PALM2AKAP2: variants seen among roughly 807,000 people sequenced by gnomAD.
PALM2AKAP2 encodes the protein PALM2 and AKAP2 fusion.
PALM2AKAP2 carries 37 observed loss-of-function variants against 71.5 expected under a neutral mutation model. The ratio of observed to expected loss-of-function variants is 0.52; its 90% CI spans 0.40 to 0.68. PALM2AKAP2 has a LOEUF of 0.68. Among genes scored for constraint, PALM2AKAP2 ranks in the 30% least tolerant of loss-of-function variants. PALM2AKAP2 has a pLI of 0.00. For missense variants in PALM2AKAP2, 1,224 were observed against 1,191.8 expected, an observed-to-expected ratio of 1.03 and a Z score of -0.40; for synonymous variants, 468 against 478.8, an observed-to-expected ratio of 0.98 and a Z score of 0.29.
chr9:109,829,235 C>T (rs2131529098), intron 1 of PALM2AKAP2, among the ~76,000 whole-genome samples: 1 of 152,350 alleles, frequency 6.6e-6, no homozygotes, highest in Non-Finnish European at 1.5e-5. Context: ...CAGCGAAACA[C>T]ATACCCTGTG....
chr9:110,065,332 G>A (rs1343144238), intron 1 of PALM2AKAP2, among the ~76,000 whole-genome samples: 2 of 152,054 alleles, frequency 1.3e-5, no homozygotes, highest in African/African-American at 4.8e-5. Flanking sequence ...GGGCCCAAGC[G>A]ATACTCCCAC....
At chr9:110,000,254 C>T (rs1396461877) in intron 6 of PALM2AKAP2, among the ~76,000 whole-genome samples, 1 of 147,736 alleles carries the variant, frequency 6.8e-6, no homozygotes, top group African/African-American at 2.5e-5. Context: ...CAAGTGAGAA[C>T]ATGTGGTGTT....
intron 1 of PALM2AKAP2, among the ~76,000 whole-genome samples, chr9:110,119,221 T>C (rs185631007): frequency 1.2e-3 from 177 of 151,514 alleles, no homozygotes; most frequent in African/African-American, 4.1e-3. Context: ...TGGGCGCCTG[T>C]AGGCCCAGCT....
At chr9:109,856,866 G>A (rs180967711) in intron 1 of PALM2AKAP2, among the ~76,000 whole-genome samples, 139 of 152,316 alleles carry the variant, frequency 9.1e-4, no homozygotes, top group African/African-American at 3.2e-3. Flanking sequence ...TGGAGTTTGC[G>A]TTCCTTTGTT....
chr9:110,154,542 G>T (rs1836400559), intron 2 of PALM2AKAP2, among the ~76,000 whole-genome samples: 1 of 152,126 alleles, frequency 6.6e-6, no homozygotes, highest in Non-Finnish European at 1.5e-5. Context: ...GTTTACTCTG[G>T]GTGATGTTTA....
chr9:109,862,378 A>C (rs189004180), intron 1 of PALM2AKAP2, among the ~76,000 whole-genome samples: 7 of 151,960 alleles, frequency 4.6e-5, no homozygotes, highest in Admixed American at 3.9e-4. Flanking sequence ...TTCTCTTTCA[A>C]CTCTGCCTCC....
intron 1 of PALM2AKAP2, chr9:109,772,096 G>T (rs1241021852): frequency 6.6e-6 from 1 of 152,346 alleles, no homozygotes; most frequent in Non-Finnish European, 1.5e-5. Context: ...GGCCAGATTT[G>T]GGAGCTCATG....
chr9:109,750,324 G>A (rs1186141350), intron 1 of PALM2AKAP2, among the ~76,000 whole-genome samples: 1 of 152,168 alleles, frequency 6.6e-6, no homozygotes, highest in African/African-American at 2.4e-5. Context: ...ATAGCCTGGA[G>A]ATGCCCTGTT....
chr9:109,654,736 G>T (rs1413030958), intron 1 of PALM2AKAP2, among the ~76,000 whole-genome samples: 2 of 139,934 alleles, frequency 1.4e-5, no homozygotes, highest in East Asian at 4.1e-4. Context: ...AGAGGTGCCT[G>T]TATGTATGTG....
At chr9:110,168,353 A>G (rs752455502) in intron 3 of PALM2AKAP2, 46 bp from the exon 11 acceptor site, 97 of 1,586,674 alleles carry the variant, frequency 6.1e-5, no homozygotes, top group Non-Finnish European at 8.3e-5. Flanking sequence ...TATGTTCATA[A>G]TTAACATCCA....
intron 1 of PALM2AKAP2, among the ~76,000 whole-genome samples, chr9:109,654,042 T>G (rs1827261989): frequency 6.6e-6 from 1 of 152,248 alleles, no homozygotes; most frequent in Admixed American, 6.5e-5. Flanking sequence ...AAATGCAATC[T>G]TATCTTTTAA....
intron 3 of PALM2AKAP2, among the ~76,000 whole-genome samples, chr9:109,890,430 G>C (rs1218288929): frequency 6.6e-6 from 1 of 152,176 alleles, no homozygotes; most frequent in Non-Finnish European, 1.5e-5. Flanking sequence ...GACAGCGAAC[G>C]GGTGATAAAA....
intron 3 of PALM2AKAP2, among the ~76,000 whole-genome samples, chr9:109,882,620 A>G (rs755247274): frequency 9.2e-5 from 14 of 152,176 alleles, no homozygotes; most frequent in East Asian, 3.9e-4. Flanking sequence ...AATTAGTTAC[A>G]TGACCTTTTC....
intron 1 of PALM2AKAP2, among the ~76,000 whole-genome samples, chr9:109,650,418 T>G (rs976550562): frequency 6.6e-6 from 1 of 150,734 alleles, no homozygotes; most frequent in Admixed American, 6.7e-5. Flanking sequence ...TTTATTCATT[T>G]ATTTATTTGT....
intron 1 of PALM2AKAP2, among the ~76,000 whole-genome samples, chr9:109,646,831 A>G (rs1395125756): frequency 1.3e-5 from 2 of 152,226 alleles, no homozygotes; most frequent in Non-Finnish European, 2.9e-5. Context: ...TTCTTGCTGA[A>G]TCAGTCTTCT....
At chr9:109,928,312 C>A (rs1831002564) in intron 5 of PALM2AKAP2, among the ~76,000 whole-genome samples, 1 of 152,186 alleles carries the variant, frequency 6.6e-6, no homozygotes, top group Non-Finnish European at 1.5e-5. Context: ...GTTTCTCTGG[C>A]TTTAGCTGTT....
chr9:109,664,117 A>C (rs1323941056), intron 1 of PALM2AKAP2, among the ~76,000 whole-genome samples: 2 of 152,140 alleles, frequency 1.3e-5, no homozygotes, highest in Admixed American at 1.3e-4. Flanking sequence ...AATACAACAC[A>C]CTGATGGGTC....
chr9:109,709,281 G>A (rs1278547419), intron 1 of PALM2AKAP2, among the ~76,000 whole-genome samples: 1 of 152,178 alleles, frequency 6.6e-6, no homozygotes, highest in Non-Finnish European at 1.5e-5. Flanking sequence ...CCCTTGTAAG[G>A]CCCAGCCTAG....
intron 6 of PALM2AKAP2, among the ~76,000 whole-genome samples, chr9:109,991,492 G>A (rs1470706075): frequency 1.3e-5 from 2 of 152,000 alleles, no homozygotes; most frequent in Non-Finnish European, 2.9e-5. Context: ...TCCTATCTTG[G>A]CCTCCCAAGG....
Sources: allele counts gnomAD v4.1 joint callset (sites outside exome capture counted in the v4.1 genomes callset), GRCh38; gene constraint gnomAD v4.1.1; transcripts MANE v1.5; gene names NCBI Gene and HGNC (gene_info 2026-07-23, HGNC 2026-07-21).